Variants in A1BG observed in about 807,000 individuals in gnomAD.
A1BG encodes alpha-1B-glycoprotein.
A1BG carries 44 observed loss-of-function variants against 46.0 expected under a neutral mutation model. The ratio of observed to expected loss-of-function variants is 0.96; its 90% CI spans 0.75 to 1.23. The LOEUF (loss-of-function observed/expected upper bound fraction) is 1.23. Among genes scored for constraint, A1BG ranks in the 50% most tolerant of loss-of-function variants. The pLI, the probability that A1BG is intolerant of heterozygous loss-of-function variation, is 0.00. For missense variants in A1BG, 707 were observed against 688.8 expected (o/e 1.03, Z -0.30); for synonymous variants, 316 against 314.7 (o/e 1.00, Z -0.04).
In A1BG at chr19:58,346,443, G is replaced by A; in HGVS notation, c.*579C>T. 6.2e-6 allele frequency: 1 copy of A among 160,296 alleles called. No individual in the cohort carries two copies. Among genetic ancestry groups the A allele is most frequent in the Admixed American group, 6.2e-5 (1 of 16,240 alleles). 9.9% of individuals were successfully genotyped at this position (160,296 alleles called of 1,614,324 possible). A position where few individuals can be genotyped will look rare whatever the true frequency, so the allele number is the denominator to read the frequency against. On this transcript the variant is annotated 3_prime_UTR_variant, in exon 8 of 8. Transcript: ENST00000263100. ...ATAATAGAAAGAAAAATGTGAGTTG[G>A]CCAGGCATGGTGGCTCATGCCTGTA...
At position 58,347,584 on chromosome 19, in the gene A1BG, G is replaced by A; in HGVS notation, c.1249C>T (p.Arg417Ter). ...ATWSGAVLAG[R>*]DAVLRCEGPI... ...CCCTCGCAGCGCAGGACGGCATCTCGGCCCGCCAGGACCGCCCCACTCCAC... is the reference window on the plus strand; with the variant it reads ...CCCTCGCAGCGCAGGACGGCATCTCAGCCCGCCAGGACCGCCCCACTCCAC... Residue 417 changes from arginine (R) to a stop codon, truncating the protein, a stop_gained, in exon 7 of 8, where the codon CGA (arginine) becomes TGA (stop). Coordinates refer to ENST00000263100, the MANE Select transcript of A1BG (RefSeq NM_130786.4). LOFTEE classifies it high-confidence loss of function. The A allele has an allele frequency of 6.6e-7, 1 of 1,521,962 alleles. No individual in the cohort carries two copies. Among genetic ancestry groups the A allele is most frequent in the Non-Finnish European group, 8.8e-7 (1 of 1,139,728 alleles). The allele number at this position is 1,521,962 out of a possible 1,614,324, so 94.3% of individuals were successfully genotyped here.
rs770203307 is a variant in A1BG, at chr19:58,353,059, A to T, written c.209T>A (p.Val70Glu). The T allele has an allele frequency of 2.4e-5, 39 of 1,614,160 alleles. No individual in the cohort carries two copies. Among genetic ancestry groups the T allele is most frequent in the Admixed American group, 1.8e-4 (11 of 60,028 alleles). The change falls in exon 3 of 8, where the codon GTG becomes GAG. Residue 70 changes from valine to glutamate, a missense_variant. By Grantham distance (121) the Val-to-Glu change is moderately radical. Coordinates refer to ENST00000263100, the MANE Select transcript of A1BG (RefSeq NM_130786.4). ...CTTGATGGCAGGTGAGTCAAGGTGCACAGGCTCCTGGGCCACCCCATTCTT... is the reference window on the plus strand; with the variant it reads ...CTTGATGGCAGGTGAGTCAAGGTGCTCAGGCTCCTGGGCCACCCCATTCTT... The part of the protein sequence containing the change: ...LFKNGVAQEP[V>E]HLDSPAIKHQ...
chr19:58,346,167 GGTGA>G lies in A1BG; in HGVS notation c.*851_*854del, dbSNP rs1246679773. ...ATGGGGTTGATGTGGTCGAGGTAGA[GGTGA>G]GTATGTCTGGAGCCTCAAGCAACTG... is the stretch of plus-strand genomic sequence containing the variant. On this transcript the variant is annotated 3_prime_UTR_variant, in exon 8 of 8. Transcript: ENST00000263100. 1 of 140,874 alleles carries G rather than the reference GGTGA, an allele frequency of 7.1e-6. No homozygotes were observed. Among genetic ancestry groups the G allele is most frequent in the African/African-American group, 2.7e-5 (1 of 37,716 alleles). 8.7% of individuals were successfully genotyped at this position (140,874 alleles called of 1,614,324 possible). A position where few individuals can be genotyped will look rare whatever the true frequency, so the allele number is the denominator to read the frequency against.
In A1BG at chr19:58,350,639, G is replaced by A. The variant is rs922976117; in HGVS notation, c.923C>T (p.Ala308Val). ...CTCCGGCTCCGGGGAGAACTCCGGC[G>A]CGGGCAGCGTCTCTGCGGAGCAGCA... ...ELILSDETLPAPEFSPEPESG... is the reference protein window; with the variant it reads ...ELILSDETLPVPEFSPEPESG... The change falls in exon 6 of 8, where the codon GCG (alanine) becomes GTG (valine). Residue 308 changes from alanine to valine, a missense_variant. Physicochemically the swap from Ala to Val is moderately conservative, Grantham distance 64. Transcript: ENST00000263100. 1.2e-5 allele frequency: 17 copies of A among 1,414,180 alleles called. No homozygotes were observed. The highest frequency in any genetic ancestry group is 3.2e-5 in the Admixed American group (1 of 30,970). The allele number at this position is 1,414,180 out of a possible 1,614,324, so 87.6% of individuals were successfully genotyped here. A position where few individuals can be genotyped will look rare whatever the true frequency, so the allele number is the denominator to read the frequency against.
At chr19:58,353,239 G>A in intron 2 of A1BG, 42 bp from the exon 3 acceptor site, 1 of 1,613,714 alleles carries the variant, frequency 6.2e-7, no homozygotes, top group Non-Finnish European at 8.5e-7. Flanking sequence ...CACAGAGACA[G>A]GGCTCCCCCC....
chr19:58,350,849 T>C (rs1208713677), intron 5 of A1BG, 198 bp from the exon 6 acceptor site: 1 of 491,674 alleles, frequency 2.0e-6, no homozygotes, highest in Non-Finnish European at 3.4e-6. Flanking sequence ...TTTCACTGTT[T>C]CTTAGTAATT....
rs2051959213 is a variant in A1BG, at chr19:58,351,584, C to A, written c.717G>T (p.Val239=). ...TLTCVAPLSG[V]DFQLRRGEKE... is the part of the protein sequence containing the mutation. ...TCTCCCCGCGCCGTAGCTGGAAGTC[C>A]ACTCCACTCAGGGGAGCCACGCAGG... Residue 239 remains valine, a synonymous_variant, in exon 5 of 8, where the codon GTG becomes GTT. Transcript: ENST00000263100. The A allele has an allele frequency of 6.2e-7, 1 of 1,613,756 alleles. No individual in the cohort carries two copies. Among genetic ancestry groups the A allele is most frequent in the Non-Finnish European group, 8.5e-7 (1 of 1,180,036 alleles).
chr19:58,351,125 G>A, intron 5 of A1BG: 1 of 570,542 alleles, frequency 1.8e-6, no homozygotes, highest in Non-Finnish European at 3.1e-6. Context: ...TGCTCACCTA[G>A]ACCTGGCAGC....
rs770588777 is a variant in A1BG at position 58,347,347 on chromosome 19, C to G, written c.1480+6G>C. On this transcript the variant is annotated splice_donor_region_variant and intron_variant, in intron 7 of 7. Coordinates refer to ENST00000263100, the MANE Select transcript of A1BG (RefSeq NM_130786.4). Reference sequence around the variant, plus strand: ...AACCAGCACCCGGGACCCAGGGAAACGTCACCTGCCACCAGGAGCTCCACA... The same window carrying G: ...AACCAGCACCCGGGACCCAGGGAAAGGTCACCTGCCACCAGGAGCTCCACA... 2 of 1,610,926 alleles carry G rather than the reference C, an allele frequency of 1.2e-6. No homozygotes were observed. The highest frequency in any genetic ancestry group is 1.3e-5 in the African/African-American group (1 of 75,032).
Position 58,347,559 on chromosome 19 carries a change from C to T in A1BG, c.1274G>A (p.Gly425Glu), listed in dbSNP as rs1432227350. The change falls in exon 7 of 8, where the codon GGA becomes GAA. Residue 425 changes from glycine (G) to glutamate (E), a missense_variant. Transcript: ENST00000263100. The part of the protein sequence containing the change: ...AGRDAVLRCE[G>E]PIPDVTFELL... ...CTCGAAGGTGACGTCGGGGATGGGT[C>T]CCTCGCAGCGCAGGACGGCATCTCG... 1 of 1,558,454 alleles carries T rather than the reference C, an allele frequency of 6.4e-7. No homozygotes were observed. The highest frequency in any genetic ancestry group is 2.3e-5 in the East Asian group (1 of 42,760).
intron 5 of A1BG, chr19:58,351,178 A>G: frequency 1.5e-6 from 1 of 658,326 alleles, no homozygotes; most frequent in Non-Finnish European, 2.6e-6. Flanking sequence ...GGCCTGGGCC[A>G]GACCTGTTCA....
At chr19:58,351,334 C>T (rs1600505018) in intron 5 of A1BG, 57 bp downstream of exon 5, 6 of 1,583,880 alleles carry the variant, frequency 3.8e-6, no homozygotes, top group African/African-American at 1.3e-5. Context: ...ACACCTGGTA[C>T]TGCTCCTGCT....
rs2032824498 is a variant in A1BG, at chr19:58,351,154, G to A, written c.910+237C>T. 13 of 600,262 alleles carry A rather than the reference G, an allele frequency of 2.2e-5. 1 individual carries two copies. The highest frequency in any genetic ancestry group is 1.8e-4 in the South Asian group (9 of 49,830). The allele number at this position is 600,262 out of a possible 1,614,324, so 37.2% of individuals were successfully genotyped here. On this transcript the variant is annotated intron_variant, in intron 5 of 7. Transcript: ENST00000263100. ...TGGCAGCTGGGATGGGACCTGCCAG[G>A]TGGTGCCCCCTGTGGCCTGGGCCAG... is the stretch of plus-strand genomic sequence containing the variant.
intron 6 of A1BG, chr19:58,347,922 A>C (rs1203023885): frequency 2.7e-5 from 8 of 291,896 alleles, no homozygotes; most frequent in Non-Finnish European, 3.2e-5. Flanking sequence ...TGGGGTCCCC[A>C]GCCTCGGTCA....
intron 6 of A1BG, among the ~76,000 whole-genome samples, chr19:58,349,295 C>T (rs573177710): frequency 1.4e-4 from 21 of 152,062 alleles, no homozygotes; most frequent in South Asian, 1.0e-3. Context: ...TGATTACAGG[C>T]GTGAGCCACC....
intron 5 of A1BG, chr19:58,351,007 C>T (rs1278418241): frequency 4.7e-6 from 2 of 423,152 alleles, no homozygotes; most frequent in Non-Finnish European, 4.3e-6. Context: ...CGGAGGGGCC[C>T]CTGTGGTCCG....
intron 4 of A1BG, 192 bp from the exon 5 acceptor site, chr19:58,351,879 T>TCTGCCTCCCAGGTTCAAGGGATTCTC: frequency 1.4e-6 from 1 of 714,348 alleles, no homozygotes; most frequent in Non-Finnish European, 2.2e-6. Flanking sequence ...CACTGCAAGC[T>TCTGCCTCCCAGGTTCAAGGGATTCTC]CTGCCTCCCA....
chr19:58,353,090 G>T lies in A1BG; in HGVS notation c.178C>A (p.Leu60Met), dbSNP rs766178364. The T allele has an allele frequency of 1.9e-6, 3 of 1,614,206 alleles. No individual in the cohort carries two copies. The Admixed American group carries it at 5.0e-5, about 27-fold the overall frequency. Reference sequence around the variant, plus strand: ...TCCTGGGCCACCCCATTCTTGAACAGCTGGAAGTCTGGAGTCTCCAGGTGG... The same window carrying T: ...TCCTGGGCCACCCCATTCTTGAACATCTGGAAGTCTGGAGTCTCCAGGTGG... ...QAHLETPDFQ[L>M]FKNGVAQEPV... The change falls in exon 3 of 8, where the codon CTG (leucine) becomes ATG (methionine). Residue 60 changes from leucine (L) to methionine (M), a missense_variant. Leu to Met is a conservative substitution (Grantham distance 15). Transcript: ENST00000263100.
chr19:58,350,681 C>T (rs2051949914), intron 5 of A1BG, 30 bp from the exon 6 acceptor site: 1 of 1,336,192 alleles, frequency 7.5e-7, no homozygotes, highest in Non-Finnish European at 9.5e-7. Context: ...CTGACCCGGG[C>T]GCCCAGCGGC....
Sources: gnomAD v4.1 joint callset for allele counts (sites outside exome capture counted in the v4.1 genomes callset) on GRCh38, gnomAD v4.1.1 for gene constraint, MANE v1.5 for transcripts, NCBI Gene and HGNC (gene_info 2026-07-23, HGNC 2026-07-21) for gene names.